The following MFAP1 variants were observed in gnomAD, a reference collection of about 807,000 sequenced individuals.
MFAP1 encodes microfibrillar-associated protein 1.
MFAP1 carries 18 observed loss-of-function variants against 62.2 expected under a neutral mutation model. The observed-to-expected ratio is 0.29, with a 90% CI of 0.20 to 0.43. The LOEUF is 0.43. Ranked by LOEUF, MFAP1 falls within the 20% of genes least tolerant of loss-of-function variation. MFAP1 has a pLI of 1.00. For synonymous variants in MFAP1, 175 were observed against 180.4 expected (o/e 0.97, Z 0.24); for missense variants, 355 against 559.7 (o/e 0.63, Z 3.69).
At chr15:43,811,921 T>G (rs1215165022) in intron 6 of MFAP1, among the ~76,000 whole-genome samples, 1 of 152,052 alleles carries the variant, frequency 6.6e-6, no homozygotes, top group Admixed American at 6.6e-5. Flanking sequence ...CCGGGCATGA[T>G]GGCTCATGCC....
intron 7 of MFAP1, 132 bp from the exon 8 acceptor site, chr15:43,805,597 T>C: frequency 7.5e-6 from 5 of 664,758 alleles, no homozygotes; most frequent in Non-Finnish European, 1.2e-5. Context: ...AGCTTACATC[T>C]AGTTGAAGAG....
chr15:43,813,504 A>T, intron 4 of MFAP1, 147 bp from the exon 5 acceptor site: 2 of 476,196 alleles, frequency 4.2e-6, no homozygotes, highest in Non-Finnish European at 6.8e-6. Flanking sequence ...GAGTCATCCC[A>T]GGTCTTTTTT....
intron 7 of MFAP1, 109 bp from the exon 8 acceptor site, chr15:43,805,574 G>C: frequency 1.2e-6 from 1 of 854,932 alleles, no homozygotes; most frequent in Non-Finnish European, 1.8e-6. Context: ...AGGGTATTGA[G>C]CCTTTCTTCA....
Position 43,814,578 on chromosome 15 carries a change from T to C in MFAP1, c.540A>G (p.Glu180=), listed in dbSNP as rs1267899153. ...EDEGRSGEES[E]SESEYEEYTD... is the part of the protein sequence containing the mutation. ...TGTACTCTTCATACTCAGACTCTGA[T>C]TCTGACTCCTCTCCAGAACGACCCT... The change falls in exon 4 of 9, where the codon GAA becomes GAG. Residue 180 remains glutamate (E), a synonymous_variant. Coordinates refer to ENST00000267812, the MANE Select transcript of MFAP1 (RefSeq NM_005926.3). The C allele has an allele frequency of 6.2e-7, 1 of 1,614,048 alleles. No individual in the cohort carries two copies. The highest frequency in any genetic ancestry group is 2.2e-5 in the East Asian group (1 of 44,902).
At chr15:43,810,201 T>A in intron 6 of MFAP1, 2 of 284,118 alleles carry the variant, frequency 7.0e-6, no homozygotes, top group South Asian at 1.2e-4. Flanking sequence ...TCTCTTTCCC[T>A]AAAAGGTCTT....
intron 4 of MFAP1, among the ~76,000 whole-genome samples, chr15:43,813,963 T>C (rs2087418958): frequency 6.6e-6 from 1 of 152,162 alleles, no homozygotes; most frequent in South Asian, 2.1e-4. Flanking sequence ...CTTAAAAATA[T>C]ATGGCCTTGG....
intron 1 of MFAP1, among the ~76,000 whole-genome samples, chr15:43,823,844 C>T (rs779046601): frequency 6.6e-5 from 10 of 152,100 alleles, no homozygotes; most frequent in Non-Finnish European, 5.9e-5. Context: ...CTAGATACGG[C>T]GGCATCTACT....
At chr15:43,811,034 C>T (rs1208907299) in intron 6 of MFAP1, among the ~76,000 whole-genome samples, 2 of 151,138 alleles carry the variant, frequency 1.3e-5, no homozygotes, top group Non-Finnish European at 3.0e-5. Flanking sequence ...GGATTACAGG[C>T]GTGAGCCACC....
chr15:43,811,386 A>G (rs1456450285), intron 6 of MFAP1, among the ~76,000 whole-genome samples: 4 of 146,864 alleles, frequency 2.7e-5, no homozygotes, highest in Non-Finnish European at 1.5e-5. Context: ...ACTGCACTCC[A>G]GCCTGGGCGA....
rs2087487564 is a variant in MFAP1, at chr15:43,824,581, C to G, written c.-12G>C. The G allele has an allele frequency of 6.2e-7, 1 of 1,614,068 alleles. No homozygotes were observed. The highest frequency in any genetic ancestry group is 2.2e-5 in the East Asian group (1 of 44,878). On this transcript the variant is annotated 5_prime_UTR_variant, in exon 1 of 9. Coordinates refer to ENST00000267812, the MANE Select transcript of MFAP1 (RefSeq NM_005926.3). ...CTTGGGACCGACATGTTGATGGCAG[C>G]GACGGTGATTCCCGAAACTTGACTA...
intron 2 of MFAP1, 131 bp from the exon 3 acceptor site, chr15:43,815,205 G>T: frequency 8.7e-7 from 1 of 1,150,374 alleles, no homozygotes; most frequent in Non-Finnish European, 1.2e-6. Flanking sequence ...TTTGAGGCAG[G>T]GTCTTGCTCT....
intron 1 of MFAP1, among the ~76,000 whole-genome samples, chr15:43,823,860 G>A (rs908674091): frequency 1.3e-5 from 2 of 152,140 alleles, no homozygotes; most frequent in African/African-American, 4.8e-5. Flanking sequence ...CTACTCGGGA[G>A]GCTGAGGCAG....
In MFAP1 at chr15:43,813,230, T is replaced by C; in HGVS notation, c.726+19A>G. On this transcript the variant is annotated intron_variant, in intron 5 of 8. Transcript: ENST00000267812. ...TACACTATTTCTTGTACTCATTCCT[T>C]GCAACCACTCCCCAGTACCTTGAGT... is the stretch of plus-strand genomic sequence containing the variant. 9 of 1,614,128 alleles carry C rather than the reference T, an allele frequency of 5.6e-6. No homozygotes were observed. The highest frequency in any genetic ancestry group is 6.8e-6 in the Non-Finnish European group (8 of 1,180,006).
intron 1 of MFAP1, among the ~76,000 whole-genome samples, chr15:43,821,872 G>A (rs1251587913): frequency 6.6e-6 from 1 of 151,450 alleles, no homozygotes; most frequent in Non-Finnish European, 1.5e-5. Context: ...TTTCTTAAAC[G>A]ATATACAAAA....
intron 7 of MFAP1, 44 bp downstream of exon 7, chr15:43,809,711 T>TTATTC (rs750994903): frequency 6.3e-7 from 1 of 1,594,704 alleles, no homozygotes; most frequent in East Asian, 2.2e-5. Context: ...AGTTTCTGAG[T>TTATTC]TATTCCTACT....
chr15:43,824,558 T>G lies in MFAP1; in HGVS notation c.12A>C (p.Pro4=). 6.2e-7 allele frequency: 1 copy of G among 1,614,152 alleles called. No individual in the cohort carries two copies. Among genetic ancestry groups the G allele is most frequent in the Non-Finnish European group, 8.5e-7 (1 of 1,180,030 alleles). ...TGGGCGGTTGCTTCATGAGAGCGCT[T>G]GGGACCGACATGTTGATGGCAGCGA... MSV[P]SALMKQPPIQ... Residue 4 remains proline, a synonymous_variant, in exon 1 of 9, where the codon CCA becomes CCC. Transcript: ENST00000267812.
intron 6 of MFAP1, 72 bp downstream of exon 6, chr15:43,812,915 G>A (rs1003553457): frequency 1.3e-6 from 2 of 1,527,758 alleles, no homozygotes; most frequent in Non-Finnish European, 1.8e-6. Context: ...AGTAGGTAAT[G>A]AGTCTCAGAG....
Position 43,824,682 on chromosome 15 carries a change from G to A in MFAP1, c.-113C>T. 1.9e-6 allele frequency: 2 copies of A among 1,035,296 alleles called. No individual in the cohort carries two copies. The highest frequency in any genetic ancestry group is 1.3e-5 in the South Asian group (1 of 74,450). 64.1% of individuals were successfully genotyped at this position (1,035,296 alleles called of 1,614,324 possible). The stretch of plus-strand genomic sequence containing the variant: ...CACCTGAGTCCGCGAACACAGCTGC[G>A]CGACTGATAGAGAAACTACTTACGG... On this transcript the variant is annotated 5_prime_UTR_variant, in exon 1 of 9. Transcript: ENST00000267812.
chr15:43,806,858 C>T (rs1019528089), intron 7 of MFAP1, among the ~76,000 whole-genome samples: 13 of 150,348 alleles, frequency 8.6e-5, no homozygotes, highest in Non-Finnish European at 1.3e-4. Flanking sequence ...GGTGACAGAG[C>T]GAGATTCCAT....
Sources: gnomAD v4.1 joint callset for allele counts (sites outside exome capture counted in the v4.1 genomes callset) on GRCh38, gnomAD v4.1.1 for gene constraint, MANE v1.5 for transcripts, NCBI Gene and HGNC (gene_info 2026-07-23, HGNC 2026-07-21) for gene names.